The following CDH8 variants were observed in gnomAD, a reference collection of about 807,000 sequenced individuals.
The protein encoded by CDH8 is cadherin 8, also known as cadherin-8.
Under a neutral mutation model 68.1 loss-of-function variants are expected in CDH8, and 17 were observed. That is an observed-to-expected ratio of 0.25 (90% CI 0.17 to 0.37). The LOEUF is 0.37. Ranked by LOEUF, CDH8 falls within the 10% of genes least tolerant of loss-of-function variation. CDH8 has a pLI of 1.00. For missense variants in CDH8, 763 were observed against 999.3 expected (o/e 0.76, Z 3.19); for synonymous variants, 372 against 365.1 (o/e 1.02, Z -0.21).
At chr16:61,810,935 A>C (rs1315294030) in intron 7 of CDH8, among the ~76,000 whole-genome samples, 1 of 151,398 alleles carries the variant, frequency 6.6e-6, no homozygotes, top group Non-Finnish European at 1.5e-5. Flanking sequence ...GAGGCAGAAG[A>C]ATTGCTTGAA....
intron 3 of CDH8, among the ~76,000 whole-genome samples, chr16:61,865,479 C>T (rs1963237362): frequency 6.6e-6 from 1 of 152,140 alleles, no homozygotes; most frequent in Admixed American, 6.5e-5. Context: ...TGGAAAATAT[C>T]ATATGAAAAT....
At chr16:61,768,317 TC>T (rs1259899372) in intron 8 of CDH8, among the ~76,000 whole-genome samples, 1 of 30,300 alleles carries the variant, frequency 3.3e-5, no homozygotes, top group African/African-American at 2.3e-4. Flanking sequence ...TCTCCCTTTC[TC>T]TCTCTCTCTC....
intron 10 of CDH8, among the ~76,000 whole-genome samples, chr16:61,660,404 C>T (rs749186392): frequency 2.6e-5 from 4 of 151,348 alleles, no homozygotes; most frequent in Non-Finnish European, 4.4e-5. Context: ...ATAAAGAGTA[C>T]ACAAACTAAA....
chr16:61,969,961 C>G (rs192380383), intron 2 of CDH8, among the ~76,000 whole-genome samples: 9 of 152,328 alleles, frequency 5.9e-5, no homozygotes, highest in Admixed American at 5.9e-4. Context: ...ATAATGGTAA[C>G]CTCCTTCGCT....
At chr16:61,998,665 AC>A (rs1363802901) in intron 2 of CDH8, among the ~76,000 whole-genome samples, 1 of 152,190 alleles carries the variant, frequency 6.6e-6, no homozygotes, top group East Asian at 1.9e-4. Context: ...ATGCTGAGTC[AC>A]CCAACTTTAG....
intron 2 of CDH8, among the ~76,000 whole-genome samples, 178 bp downstream of exon 2, chr16:62,020,974 A>G (rs914822431): frequency 1.3e-5 from 2 of 152,210 alleles, no homozygotes; most frequent in African/African-American, 4.8e-5. Context: ...CTACAAGACC[A>G]TTTAAAACTG....
chr16:61,675,368 A>C (rs1963882003), intron 10 of CDH8, among the ~76,000 whole-genome samples: 1 of 148,520 alleles, frequency 6.7e-6, no homozygotes, highest in Admixed American at 6.9e-5. Flanking sequence ...CAAACACCGT[A>C]TATTCTCACT....
chr16:62,008,750 A>G (rs993677860), intron 2 of CDH8, among the ~76,000 whole-genome samples: 3 of 152,166 alleles, frequency 2.0e-5, no homozygotes, highest in African/African-American at 4.8e-5. Context: ...GAGTTTAATG[A>G]CAGGAAAAAC....
chr16:61,759,251 T>G (rs1296162081), intron 8 of CDH8, among the ~76,000 whole-genome samples: 1 of 152,176 alleles, frequency 6.6e-6, no homozygotes, highest in Non-Finnish European at 1.5e-5. Flanking sequence ...GAAAAAATGC[T>G]GCCAGACTCC....
chr16:61,972,571 G>GGGTGTGTGT (rs369833002), intron 2 of CDH8, among the ~76,000 whole-genome samples: 2,501 of 131,494 alleles, frequency 0.019, 49 homozygotes, highest in African/African-American at 0.047. Flanking sequence ...ACACATTGTG[G>GGGTGTGTGT]GTGTGTGTGT....
intron 2 of CDH8, among the ~76,000 whole-genome samples, chr16:61,907,693 G>T (rs1421497892): frequency 7.0e-6 from 1 of 143,762 alleles, no homozygotes; most frequent in East Asian, 2.1e-4. Flanking sequence ...AAAAAAAAAA[G>T]TTAAGTAAAG....
intron 2 of CDH8, among the ~76,000 whole-genome samples, chr16:61,945,414 C>A (rs1964785987): frequency 7.4e-6 from 1 of 135,534 alleles, no homozygotes; most frequent in Non-Finnish European, 1.5e-5. Context: ...AGGCCAATTT[C>A]GTTTTGTGCC....
intron 3 of CDH8, among the ~76,000 whole-genome samples, chr16:61,897,563 C>T (rs920874985): frequency 2.0e-5 from 3 of 152,188 alleles, no homozygotes; most frequent in Non-Finnish European, 4.4e-5. Context: ...AGACACATGA[C>T]TTACATACAC....
At chr16:62,018,307 C>G (rs1901991289) in intron 2 of CDH8, among the ~76,000 whole-genome samples, 1 of 152,190 alleles carries the variant, frequency 6.6e-6, no homozygotes, top group African/African-American at 2.4e-5. Flanking sequence ...AAAACTAGCT[C>G]TGCCCTTGAG....
intron 2 of CDH8, among the ~76,000 whole-genome samples, chr16:62,010,872 G>A (rs1901792502): frequency 1.3e-5 from 2 of 151,942 alleles, no homozygotes; most frequent in African/African-American, 4.8e-5. Flanking sequence ...GAACCCGGGA[G>A]GTGGAGGTTT....
At chr16:61,754,048 AGG>A (rs920713409) in intron 8 of CDH8, among the ~76,000 whole-genome samples, 3 of 152,162 alleles carry the variant, frequency 2.0e-5, no homozygotes, top group Non-Finnish European at 2.9e-5. Context: ...TTTAATTGTA[AGG>A]TCTCAAACTT....
chr16:61,655,987 C>T (rs1963440071), intron 10 of CDH8, among the ~76,000 whole-genome samples: 1 of 151,990 alleles, frequency 6.6e-6, no homozygotes, highest in Admixed American at 6.6e-5. Context: ...ATTCTCCTGC[C>T]TCAGCCTCCC....
At chr16:62,033,515 TC>T (rs1902377420) in intron 1 of CDH8, among the ~76,000 whole-genome samples, 1 of 152,182 alleles carries the variant, frequency 6.6e-6, no homozygotes, top group Non-Finnish European at 1.5e-5. Context: ...GATTTACCCA[TC>T]TTGAAGGCTT....
intron 10 of CDH8, among the ~76,000 whole-genome samples, chr16:61,700,232 C>G (rs1038938665): frequency 6.6e-6 from 1 of 151,648 alleles, no homozygotes; most frequent in Non-Finnish European, 1.5e-5. Flanking sequence ...TGGATATACA[C>G]CCAGTAGCAG....
Sources: gnomAD v4.1 joint callset for allele counts (sites outside exome capture counted in the v4.1 genomes callset) on GRCh38, gnomAD v4.1.1 for gene constraint, MANE v1.5 for transcripts, NCBI Gene and HGNC (gene_info 2026-07-23, HGNC 2026-07-21) for gene names.